GUCY1A2: variants seen among roughly 807,000 people sequenced by gnomAD.
GUCY1A2 encodes guanylate cyclase 1 soluble subunit alpha 2.
Under a neutral mutation model 63.5 loss-of-function variants are expected in GUCY1A2, and 27 were observed. The ratio of observed to expected loss-of-function variants is 0.43; its 90% CI spans 0.31 to 0.59. GUCY1A2 has a LOEUF of 0.59. GUCY1A2 is among the 20% of genes least tolerant of loss of function. The pLI is 0.11. For missense variants in GUCY1A2, 768 were observed against 913.3 expected (o/e 0.84, Z 2.05); for synonymous variants, 364 against 343.5 (o/e 1.06, Z -0.66).
intron 1 of GUCY1A2, among the ~76,000 whole-genome samples, chr11:106,988,495 C>G (rs967280197): frequency 6.6e-6 from 1 of 151,614 alleles, no homozygotes; most frequent in African/African-American, 2.4e-5. Flanking sequence ...CCAGGAATTT[C>G]CCAGTCATTA....
chr11:106,921,588 C>T (rs1288814051), intron 4 of GUCY1A2, among the ~76,000 whole-genome samples: 1 of 152,056 alleles, frequency 6.6e-6, no homozygotes, highest in Non-Finnish European at 1.5e-5. Flanking sequence ...ACCAATTGTC[C>T]ACTCATCGAT....
At chr11:106,989,605 TAG>T (rs1440679379) in intron 1 of GUCY1A2, among the ~76,000 whole-genome samples, 2 of 152,026 alleles carry the variant, frequency 1.3e-5, no homozygotes, top group Admixed American at 6.6e-5. Context: ...AGACTTCAAT[TAG>T]AAAACTCATC....
At chr11:106,901,478 T>C (rs540970380) in intron 4 of GUCY1A2, among the ~76,000 whole-genome samples, 2 of 152,328 alleles carry the variant, frequency 1.3e-5, no homozygotes, top group African/African-American at 2.4e-5. Flanking sequence ...ATGAAACTTT[T>C]CCAGAAGGTT....
At chr11:106,988,307 G>A (rs1480762008) in intron 1 of GUCY1A2, among the ~76,000 whole-genome samples, 5 of 152,168 alleles carry the variant, frequency 3.3e-5, no homozygotes, top group African/African-American at 1.2e-4. Context: ...CAGTTCCTGA[G>A]CTAAGATAAC....
Position 107,018,148 on chromosome 11 carries a change from T to A in GUCY1A2, c.-93A>T. 2 of 747,284 alleles carry A rather than the reference T, an allele frequency of 2.7e-6. No individual in the cohort carries two copies. Among genetic ancestry groups the A allele is most frequent in the Non-Finnish European group, 3.6e-6 (2 of 552,038 alleles). The allele number at this position is 747,284 out of a possible 1,614,324, so 46.3% of individuals were successfully genotyped here. A position where few individuals can be genotyped will look rare whatever the true frequency, so the allele number is the denominator to read the frequency against. On this transcript the variant is annotated 5_prime_UTR_variant, in exon 1 of 8. It removes the in-frame stop codon of an upstream open reading frame in the 5' UTR. Coordinates refer to ENST00000526355, the MANE Select transcript of GUCY1A2 (RefSeq NM_000855.3). ...TGGCGGGACCGGCAAGCGACAACGT[T>A]AAGCGCGTCGGGGCCGCGGGGCGCT...
chr11:106,981,934 A>C (rs1235781838), intron 2 of GUCY1A2, among the ~76,000 whole-genome samples: 1 of 152,188 alleles, frequency 6.6e-6, no homozygotes, highest in Non-Finnish European at 1.5e-5. Context: ...CAAAAGAGTC[A>C]TTTACTAACA....
chr11:106,709,583 A>G (rs1290802388), intron 6 of GUCY1A2, among the ~76,000 whole-genome samples: 2 of 106,128 alleles, frequency 1.9e-5, no homozygotes, highest in East Asian at 2.4e-4. Context: ...TATATAATAT[A>G]TAGTTATATA....
intron 4 of GUCY1A2, among the ~76,000 whole-genome samples, chr11:106,911,902 A>G (rs1022993892): frequency 2.0e-5 from 3 of 151,994 alleles, no homozygotes; most frequent in African/African-American, 7.2e-5. Flanking sequence ...ATACTCTAAT[A>G]TTTCTGGTAT....
chr11:106,893,465 A>AATAT (rs140739579), intron 4 of GUCY1A2, among the ~76,000 whole-genome samples: 18 of 151,530 alleles, frequency 1.2e-4, no homozygotes, highest in Admixed American at 2.6e-4. Flanking sequence ...ACATAGGCCA[A>AATAT]ATATATATAT....
intron 3 of GUCY1A2, among the ~76,000 whole-genome samples, chr11:106,977,537 G>C (rs1861278211): frequency 6.6e-6 from 1 of 152,122 alleles, no homozygotes; most frequent in South Asian, 2.1e-4. Flanking sequence ...AGTTACCTAG[G>C]ATGAAAATGT....
Position 106,681,615 on chromosome 11 carries a change from G to T in GUCY1A2, c.*5934C>A, listed in dbSNP as rs892813801. ...ATAACTTCTGAGATAGATTAAACAT[G>T]TCATTTGCCCGAATATTTTTAATCT... is the stretch of plus-strand genomic sequence containing the variant. On this transcript the variant is annotated 3_prime_UTR_variant, in exon 8 of 8. Transcript: ENST00000526355. 8 of 222,814 alleles carry T rather than the reference G, an allele frequency of 3.6e-5. No homozygotes were observed. The highest frequency in any genetic ancestry group is 1.6e-4 in the African/African-American group (7 of 44,696). The allele number at this position is 222,814 out of a possible 1,614,324, so 13.8% of individuals were successfully genotyped here. A position where few individuals can be genotyped will look rare whatever the true frequency, so the allele number is the denominator to read the frequency against.
At chr11:106,793,658 AAAC>A (rs1864702680) in intron 5 of GUCY1A2, among the ~76,000 whole-genome samples, 1 of 152,150 alleles carries the variant, frequency 6.6e-6, no homozygotes, top group Non-Finnish European at 1.5e-5. Flanking sequence ...TCAATAGCAA[AAAC>A]AACAAACAGC....
At chr11:106,902,342 T>C (rs1351354870) in intron 4 of GUCY1A2, among the ~76,000 whole-genome samples, 1 of 152,226 alleles carries the variant, frequency 6.6e-6, no homozygotes, top group African/African-American at 2.4e-5. Flanking sequence ...AGATTTAGCA[T>C]TCTTTTTAAG....
At position 106,991,785 on chromosome 11, in the gene GUCY1A2, T is replaced by C. The variant is rs1861473429; in HGVS notation, c.304-5654A>G. Among the ~76,000 whole-genome samples the C allele has an allele frequency of 1.3e-5, 2 of 152,340 alleles. 1 individual carries two copies. Among genetic ancestry groups the C allele is most frequent in the South Asian group, 4.1e-4 (2 of 4,832 alleles). ...TTGAAGCATAAATACGAGATTTTTT[T>C]CTTTAATCTCACAGTAACCCACTCC... On this transcript the variant is annotated intron_variant, in intron 1 of 7. Transcript: ENST00000526355.
chr11:107,012,061 T>C (rs1261331914), intron 1 of GUCY1A2, among the ~76,000 whole-genome samples: 2 of 152,152 alleles, frequency 1.3e-5, no homozygotes, highest in African/African-American at 4.8e-5. Context: ...TATATGTCCT[T>C]GTATTTTTAT....
chr11:107,008,597 G>T (rs1484793276), intron 1 of GUCY1A2, among the ~76,000 whole-genome samples: 3 of 152,234 alleles, frequency 2.0e-5, no homozygotes, highest in East Asian at 3.9e-4. Context: ...CATTTATTGA[G>T]TGCCTTTATA....
intron 4 of GUCY1A2, among the ~76,000 whole-genome samples, chr11:106,922,124 A>G (rs745765016): frequency 1.1e-4 from 17 of 152,162 alleles, no homozygotes; most frequent in Non-Finnish European, 2.1e-4. Context: ...GTGAGATATC[A>G]GCAGACGAGG....
intron 6 of GUCY1A2, among the ~76,000 whole-genome samples, chr11:106,714,081 T>C (rs1863174918): frequency 6.6e-6 from 1 of 151,998 alleles, no homozygotes; most frequent in African/African-American, 2.4e-5. Flanking sequence ...CTTATCTAGT[T>C]CTATTTCTGC....
intron 7 of GUCY1A2, among the ~76,000 whole-genome samples, chr11:106,703,061 C>T (rs999762472): frequency 6.6e-6 from 1 of 152,092 alleles, no homozygotes; most frequent in Non-Finnish European, 1.5e-5. Flanking sequence ...TAAAACCAGG[C>T]AGAAGAACAT....
Sources: allele counts gnomAD v4.1 joint callset (sites outside exome capture counted in the v4.1 genomes callset), GRCh38; gene constraint gnomAD v4.1.1; transcripts MANE v1.5; gene names NCBI Gene and HGNC (gene_info 2026-07-23, HGNC 2026-07-21).